Variants in GSE1 observed in about 807,000 individuals in gnomAD.
GSE1 encodes genetic suppressor element 1.
In GSE1, 32 loss-of-function variants were observed where a neutral mutation model predicts 112.6. That is an observed-to-expected ratio of 0.28 (90% confidence interval 0.21 to 0.38). The LOEUF is 0.38. GSE1 is among the 10% of genes least tolerant of loss of function. The pLI is 1.00. For synonymous variants in GSE1, 1,115 were observed against 735.6 expected, an observed-to-expected ratio of 1.52 and a Z score of -8.35; for missense variants, 2,348 against 1,699.2, an observed-to-expected ratio of 1.38 and a Z score of -6.71.
intron 2 of GSE1, among the ~76,000 whole-genome samples, chr16:85,645,823 C>G (rs1276093603): frequency 6.6e-6 from 1 of 152,052 alleles, no homozygotes; most frequent in African/African-American, 2.4e-5. Flanking sequence ...CGCATTCTAC[C>G]TGCTTCTACC....
At chr16:85,375,312 CA>C (rs2047394734) in intron 2 of GSE1, among the ~76,000 whole-genome samples, 1 of 152,098 alleles carries the variant, frequency 6.6e-6, no homozygotes, top group African/African-American at 2.4e-5. Context: ...TTGGCCCTGC[CA>C]AGTCACCTCA....
chr16:85,365,939 G>A (rs762059700), intron 2 of GSE1, among the ~76,000 whole-genome samples: 3 of 152,216 alleles, frequency 2.0e-5, no homozygotes, highest in African/African-American at 7.2e-5. Context: ...GGGATGACGG[G>A]GTTTCAAGAA....
At chr16:85,350,994 G>A (rs370581560) in intron 1 of GSE1, among the ~76,000 whole-genome samples, 1 of 152,222 alleles carries the variant, frequency 6.6e-6, no homozygotes, top group Non-Finnish European at 1.5e-5. Context: ...TGGCCAGGCT[G>A]GTCTCGAACT....
chr16:85,346,774 G>A (rs1201939635), intron 1 of GSE1, among the ~76,000 whole-genome samples: 1 of 150,320 alleles, frequency 6.7e-6, no homozygotes, highest in Non-Finnish European at 1.5e-5. Flanking sequence ...GTGGACGGTG[G>A]ATGGATGGAT....
chr16:85,545,589 C>A (rs1187002236), intron 2 of GSE1, among the ~76,000 whole-genome samples: 3 of 152,110 alleles, frequency 2.0e-5, no homozygotes, highest in African/African-American at 7.2e-5. Context: ...CAAGTCACTT[C>A]ACTTTTCTAG....
chr16:85,338,725 T>C (rs1347185964), intron 1 of GSE1, among the ~76,000 whole-genome samples: 1 of 152,178 alleles, frequency 6.6e-6, no homozygotes, highest in African/African-American at 2.4e-5. Context: ...AGGTAGCTAG[T>C]AGGTACTGTC....
At chr16:85,403,744 G>A (rs2048174466) in intron 2 of GSE1, among the ~76,000 whole-genome samples, 1 of 152,190 alleles carries the variant, frequency 6.6e-6, no homozygotes, top group African/African-American at 2.4e-5. Flanking sequence ...TGAGGCTGCA[G>A]TGAGCTGTGA....
At chr16:85,553,032 C>G (rs1362941030), upstream of GSE1, among the ~76,000 whole-genome samples, 3 of 150,458 alleles carry the variant, frequency 2.0e-5, no homozygotes, top group Non-Finnish European at 4.4e-5. Context: ...AGTTTAGGGT[C>G]TTTTAAAAAT....
intron 14 of GSE1, 129 bp from the exon 15 acceptor site, chr16:85,670,866 A>C: frequency 1.6e-6 from 1 of 644,684 alleles, no homozygotes; most frequent in Admixed American, 2.7e-5. Flanking sequence ...GGTCCACAGG[A>C]GAGGCCTTCG....
At chr16:85,572,548 C>G (rs12932293) in intron 1 of GSE1, among the ~76,000 whole-genome samples, 1 of 150,940 alleles carries the variant, frequency 6.6e-6, no homozygotes, top group Non-Finnish European at 1.5e-5. Context: ...GTGCACACAA[C>G]ACACAACACG....
chr16:85,552,434 C>G (rs2044969277), upstream of GSE1, among the ~76,000 whole-genome samples: 1 of 126,552 alleles, frequency 7.9e-6, no homozygotes, highest in Non-Finnish European at 1.8e-5. Flanking sequence ...TGGGTTCACG[C>G]CATTCTCCTG....
intron 2 of GSE1, among the ~76,000 whole-genome samples, chr16:85,538,078 C>T (rs528152270): frequency 2.0e-5 from 3 of 152,348 alleles, no homozygotes; most frequent in Non-Finnish European, 4.4e-5. Flanking sequence ...GGATTGCTGG[C>T]CTCTCATCTC....
At chr16:85,613,315 G>GT, upstream of GSE1, 9 of 1,549,538 alleles carry the variant, frequency 5.8e-6, no homozygotes, top group South Asian at 1.1e-4. Flanking sequence ...CCCCGGGTGA[G>GT]ATAAGCAGTT....
At chr16:85,302,887 T>A (rs1385698582) in intron 1 of GSE1, among the ~76,000 whole-genome samples, 1 of 152,210 alleles carries the variant, frequency 6.6e-6, no homozygotes, top group Non-Finnish European at 1.5e-5. Flanking sequence ...AAGCGCATTC[T>A]CCTTCAATCG....
In GSE1 at chr16:85,668,185, C is replaced by T. The variant is rs749335517; in HGVS notation, c.3176C>T (p.Thr1059Met). ...LSAEQNHKVD[T>M]SVHYNIPELQ... ...GCAGAGCAGAACCACAAGGTTGACA[C>T]GTCCGTCCACTACAACATTCCTGAG... is the stretch of plus-strand genomic sequence containing the variant. The change falls in exon 14 of 16, where the codon ACG becomes ATG. Residue 1059 changes from threonine (T) to methionine (M), a missense_variant. Physicochemically the swap from Thr to Met is moderately conservative, Grantham distance 81. Coordinates refer to ENST00000253458, the MANE Select transcript of GSE1 (RefSeq NM_014615.5). 5.0e-6 allele frequency: 8 copies of T among 1,607,716 alleles called. No individual in the cohort carries two copies. Among genetic ancestry groups the T allele is most frequent in the African/African-American group, 4.0e-5 (3 of 74,838 alleles).
At chr16:85,198,229 TG>T (rs1567605085) in intron 1 of GSE1, among the ~76,000 whole-genome samples, 2 of 152,132 alleles carry the variant, frequency 1.3e-5, no homozygotes, top group African/African-American at 4.8e-5. Flanking sequence ...CTCCCAACCA[TG>T]GGGACCAGGG....
intron 1 of GSE1, among the ~76,000 whole-genome samples, chr16:85,582,603 A>G (rs1161093460): frequency 6.6e-6 from 1 of 152,156 alleles, no homozygotes; most frequent in Non-Finnish European, 1.5e-5. Flanking sequence ...CACTGGTGGC[A>G]TCCCCAGAGC....
Position 85,575,332 on chromosome 16 carries a change from A to G in GSE1, c.37+18969A>G, listed in dbSNP as rs576138823. Reference sequence around the variant, plus strand: ...TGTTTACCCGGGGAGTTCTGGCGGAATCTAGGAGATCTGCTATCCGGCATA... The same window carrying G: ...TGTTTACCCGGGGAGTTCTGGCGGAGTCTAGGAGATCTGCTATCCGGCATA... On this transcript the variant is annotated intron_variant, in intron 1 of 2. Transcript: ENST00000635906. Among the ~76,000 whole-genome samples the G allele has an allele frequency of 2.4e-4, 36 of 152,284 alleles. 1 individual carries two copies. Among genetic ancestry groups the G allele is most frequent in the Admixed American group, 1.8e-3 (28 of 15,300 alleles).
chr16:85,458,296 C>T (rs1308656517), intron 2 of GSE1, among the ~76,000 whole-genome samples: 2 of 152,244 alleles, frequency 1.3e-5, no homozygotes, highest in African/African-American at 2.4e-5. Context: ...GGAGTGCAGC[C>T]CAAGGACACA....
Sources: gnomAD v4.1 joint callset for allele counts (sites outside exome capture counted in the v4.1 genomes callset) on GRCh38, gnomAD v4.1.1 for gene constraint, MANE v1.5 for transcripts, NCBI Gene and HGNC (gene_info 2026-07-23, HGNC 2026-07-21) for gene names.